TRAK1: variants seen among roughly 807,000 people sequenced by gnomAD.
TRAK1 encodes trafficking kinesin protein 1.
Under a neutral mutation model 92.1 loss-of-function variants are expected in TRAK1, and 33 were observed. The ratio of observed to expected loss-of-function variants is 0.36; its 90% confidence interval spans 0.27 to 0.48. The LOEUF is 0.48. TRAK1 is among the 20% of genes least tolerant of loss of function. The probability of loss-of-function intolerance (pLI) is 0.99; values close to 1 mark genes in which losing one functional copy is unlikely to be tolerated. For synonymous variants in TRAK1, 521 were observed against 517.3 expected, an observed-to-expected ratio of 1.01 and a Z score of -0.10; for missense variants, 1,123 against 1,257.9, an observed-to-expected ratio of 0.89 and a Z score of 1.62.
intron 2 of TRAK1, chr3:42,151,471 T>C: frequency 2.3e-6 from 1 of 426,410 alleles, no homozygotes; most frequent in Non-Finnish European, 4.6e-6. Flanking sequence ...ATTATTGTTA[T>C]TGTCTGAATG....
intron 1 of TRAK1, among the ~76,000 whole-genome samples, chr3:42,047,462 C>T (rs13065376): frequency 2.1e-3 from 319 of 152,128 alleles, no homozygotes; most frequent in Non-Finnish European, 4.0e-3. Flanking sequence ...GCCTTAGCCT[C>T]CCAGTGTTGG....
At chr3:42,131,902 TA>T (rs57140951) in intron 2 of TRAK1, among the ~76,000 whole-genome samples, 14,367 of 137,286 alleles carry the variant, frequency 0.1, 782 homozygotes, top group African/African-American at 0.13. Context: ...TACAAAAAAT[TA>T]AAAAAAAAAA....
At chr3:42,175,425 C>T (rs1031641162) in intron 2 of TRAK1, among the ~76,000 whole-genome samples, 1 of 152,146 alleles carries the variant, frequency 6.6e-6, no homozygotes, top group Non-Finnish European at 1.5e-5. Flanking sequence ...TTTAAAGCTA[C>T]CCTTATAAAT....
intron 2 of TRAK1, chr3:42,149,483 T>C: frequency 6.5e-7 from 1 of 1,535,856 alleles, no homozygotes; most frequent in Non-Finnish European, 8.7e-7. Flanking sequence ...AGCGTTTTAC[T>C]TGACGTTGAT....
At chr3:42,101,155 A>T (rs536459500) in intron 1 of TRAK1, among the ~76,000 whole-genome samples, 6 of 152,304 alleles carry the variant, frequency 3.9e-5, no homozygotes, top group Admixed American at 2.0e-4. Context: ...ACCTAAGGAC[A>T]TGTTCTCCTC....
At position 42,055,629 on chromosome 3, in the gene TRAK1, A is replaced by AT. The variant is rs555802901; in HGVS notation, c.-518-31469dup. Among the ~76,000 whole-genome samples the AT allele has an allele frequency of 1.9e-3, 296 of 152,206 alleles. 1 individual carries two copies. Among genetic ancestry groups the AT allele is most frequent in the African/African-American group, 6.3e-3 (260 of 41,528 alleles). On this transcript the variant is annotated intron_variant, in intron 1 of 16. Coordinates refer to the TRAK1 transcript ENST00000487159. ...AGGCGTGTGCCACCATGCTCTGCTAATTTTTTAATTTTTTTGTAAAGATGG... is the reference window on the plus strand; with the variant it reads ...AGGCGTGTGCCACCATGCTCTGCTAATTTTTTTAATTTTTTTGTAAAGATGG...
rs375864875 is a variant in TRAK1, at chr3:42,218,561, G to A, written c.1964-933G>A. The A allele has an allele frequency of 1.7e-4, 166 of 984,836 alleles. No individual in the cohort carries two copies. In the Middle Eastern group the frequency reaches 3.1e-3, roughly 19 times the overall value. The allele number at this position is 984,836 out of a possible 1,614,324, so 61.0% of individuals were successfully genotyped here. A position where few individuals can be genotyped will look rare whatever the true frequency, so the allele number is the denominator to read the frequency against. ...TTTTCCTGATGCTTGAGTTATGAATGAGGATGACCTCTGCAATCATGATGT... is the reference window on the plus strand; with the variant it reads ...TTTTCCTGATGCTTGAGTTATGAATAAGGATGACCTCTGCAATCATGATGT... On this transcript the variant is annotated intron_variant, in intron 14 of 15. Transcript: ENST00000327628.
chr3:42,073,167 G>A (rs1343804896), intron 1 of TRAK1, among the ~76,000 whole-genome samples: 1 of 152,190 alleles, frequency 6.6e-6, no homozygotes, highest in Non-Finnish European at 1.5e-5. Context: ...TCTGGCTTGT[G>A]CTGTTCAGGA....
intron 14 of TRAK1, among the ~76,000 whole-genome samples, chr3:42,213,054 ATTTTT>A (rs34073573): frequency 1.8e-5 from 2 of 113,072 alleles, no homozygotes; most frequent in Admixed American, 1.0e-4. Context: ...TGGAGCTGAG[ATTTTT>A]TTTTTTTTTT....
chr3:42,091,346 C>G, upstream of TRAK1: 2 of 822,960 alleles, frequency 2.4e-6, no homozygotes, highest in Non-Finnish European at 1.9e-6. Context: ...TTTGCCCTAA[C>G]AAGCAAACTC....
At chr3:42,095,570 C>T (rs1360842748) in intron 1 of TRAK1, among the ~76,000 whole-genome samples, 1 of 152,150 alleles carries the variant, frequency 6.6e-6, no homozygotes, top group African/African-American at 2.4e-5. Flanking sequence ...TGCACATATT[C>T]ATTTTCTAAA....
intron 2 of TRAK1, among the ~76,000 whole-genome samples, chr3:42,170,643 TG>T (rs1158344076): frequency 2.0e-5 from 3 of 152,110 alleles, no homozygotes; most frequent in Non-Finnish European, 4.4e-5. Flanking sequence ...TATAGAAAAT[TG>T]ACTTTTAAAA....
At position 42,209,901 on chromosome 3, in the gene TRAK1, G is replaced by C; in HGVS notation, c.1879G>C (p.Asp627His). ...VDLDEVYCLNDFEEDDTGDHI... is the reference protein window; with the variant it reads ...VDLDEVYCLNHFEEDDTGDHI... ...CCTGGACGAAGTGTACTGCCTTAAC[G>C]ACTTTGAAGAAGATGACACAGGTGA... The change falls in exon 14 of 16, where the codon GAC (aspartate) becomes CAC (histidine). Residue 627 changes from aspartate (D) to histidine (H), a missense_variant. Physicochemically the swap from Asp to His is moderately conservative, Grantham distance 81. Around this residue, in one of 3 missense-constraint regions of TRAK1, gnomAD observed 401 missense variants for 438.9 expected, o/e 0.91. Transcript: ENST00000327628. 6.2e-7 allele frequency: 1 copy of C among 1,614,174 alleles called. No individual in the cohort carries two copies.
At chr3:42,063,581 G>A (rs1467024104) in intron 1 of TRAK1, among the ~76,000 whole-genome samples, 2 of 152,100 alleles carry the variant, frequency 1.3e-5, no homozygotes, top group African/African-American at 2.4e-5. Context: ...GTCTCCTTGG[G>A]AGGCTGAGGT....
chr3:42,127,389 G>A (rs1412202961), intron 2 of TRAK1, among the ~76,000 whole-genome samples: 1 of 124,566 alleles, frequency 8.0e-6, no homozygotes, highest in East Asian at 2.3e-4. Flanking sequence ...GTTTTGCTCT[G>A]TTGCCCAGGC....
chr3:42,223,771 C>G lies in TRAK1; in HGVS notation c.*34C>G. The G allele has an allele frequency of 6.4e-7, 1 of 1,551,150 alleles. No homozygotes were observed. The highest frequency in any genetic ancestry group is 8.8e-7 in the Non-Finnish European group (1 of 1,142,436). ...GGGGGGCCGGTTGCCCTAGAGGAGACCCACGTTCTCCTCTCTTGCTCCCAC... is the reference window on the plus strand; with the variant it reads ...GGGGGGCCGGTTGCCCTAGAGGAGAGCCACGTTCTCCTCTCTTGCTCCCAC... On this transcript the variant is annotated 3_prime_UTR_variant, in exon 16 of 16. Coordinates refer to ENST00000327628, the MANE Select transcript of TRAK1 (RefSeq NM_001042646.3). This position sits in a 1 kb window ranked among gnomAD's most constrained non-coding sequence, Gnocchi z 6.1.
At chr3:42,151,789 T>C (rs1424905741) in intron 2 of TRAK1, among the ~76,000 whole-genome samples, 5 of 152,242 alleles carry the variant, frequency 3.3e-5, no homozygotes, top group African/African-American at 1.2e-4. Context: ...TGTACCTGTC[T>C]TTTATTTGCC....
intron 1 of TRAK1, among the ~76,000 whole-genome samples, chr3:42,032,432 TG>T (rs1702180033): frequency 1.4e-5 from 2 of 145,326 alleles, no homozygotes; most frequent in African/African-American, 5.3e-5. Flanking sequence ...CCAAGTACTG[TG>T]GGAAGCCCCA....
chr3:42,220,846 G>A lies in TRAK1; in HGVS notation c.2066+1250G>A, dbSNP rs138017407. On this transcript the variant is annotated intron_variant, in intron 15 of 15. Transcript: ENST00000327628. ...CATAAATATTAGCTTTGTCTCCTCC[G>A]TCTCTCTGCCCCTGGAGAACTTGGC... is the stretch of plus-strand genomic sequence containing the variant. 1.4e-3 allele frequency among the ~76,000 whole-genome samples: 220 copies of A among 152,270 alleles called. 1 individual carries two copies. The highest frequency in any genetic ancestry group is 5.0e-3 in the African/African-American group (208 of 41,552).
Sources: allele counts gnomAD v4.1 joint callset (sites outside exome capture counted in the v4.1 genomes callset), GRCh38; gene constraint gnomAD v4.1.1; regional missense constraint gnomAD v4.1.1; non-coding constraint Gnocchi (gnomAD v3.1); transcripts MANE v1.5; gene names NCBI Gene and HGNC (gene_info 2026-07-23, HGNC 2026-07-21).